The following RABEP1 variants were observed in gnomAD, a reference collection of about 807,000 sequenced individuals.
The protein encoded by RABEP1 is rab GTPase-binding effector protein 1.
RABEP1 carries 51 observed loss-of-function variants against 123.4 expected under a neutral mutation model. The observed-to-expected ratio is 0.41, with a 90% CI of 0.33 to 0.52. The LOEUF is 0.52. Ranked by LOEUF, RABEP1 falls within the 20% of genes least tolerant of loss-of-function variation. The pLI, the probability that RABEP1 is intolerant of heterozygous loss-of-function variation, is 0.16. For missense variants in RABEP1, 888 were observed against 996.3 expected (o/e 0.89, Z 1.46); for synonymous variants, 347 against 355.2 (o/e 0.98, Z 0.26).
intron 15 of RABEP1, 124 bp from the exon 16 acceptor site, chr17:5,380,240 A>G: frequency 1.6e-6 from 1 of 632,276 alleles, no homozygotes; most frequent in South Asian, 2.0e-5. Context: ...TGAAAGGGTG[A>G]GAGGAGTATT....
chr17:5,287,623 A>G (rs1009174486), intron 1 of RABEP1, among the ~76,000 whole-genome samples: 1 of 114,856 alleles, frequency 8.7e-6, no homozygotes, highest in Non-Finnish European at 1.8e-5. Flanking sequence ...AAAAAAAAAA[A>G]CCCAAAACAC....
At chr17:5,378,598 T>C (rs1911193258) in intron 15 of RABEP1, 1 of 300,328 alleles carries the variant, frequency 3.3e-6, no homozygotes, top group Middle Eastern at 1.1e-3. Flanking sequence ...TTAGTCCTCT[T>C]AGACATCATT....
At chr17:5,299,418 A>G (rs72634019) in intron 1 of RABEP1, among the ~76,000 whole-genome samples, 47,517 of 149,218 alleles carry the variant, frequency 0.32, 8,750 homozygotes, top group East Asian at 0.66. Flanking sequence ...TTAAATCACT[A>G]TTATCACTAT....
intron 1 of RABEP1, among the ~76,000 whole-genome samples, chr17:5,296,354 C>T (rs562845837): frequency 5.3e-4 from 81 of 152,170 alleles, no homozygotes; most frequent in Non-Finnish European, 9.3e-4. Flanking sequence ...ACCTCCGCCT[C>T]CAAAGTTCAA....
chr17:5,339,675 T>A (rs1055145391), intron 5 of RABEP1, among the ~76,000 whole-genome samples: 1 of 24,976 alleles, frequency 4.0e-5, no homozygotes, highest in African/African-American at 8.8e-4. Context: ...GCCACGCGCC[T>A]TGTAGTCCCT....
chr17:5,312,285 A>T (rs1045146518), intron 2 of RABEP1, among the ~76,000 whole-genome samples: 5 of 152,098 alleles, frequency 3.3e-5, no homozygotes, highest in Admixed American at 6.5e-5. Flanking sequence ...AGTAGCAGGG[A>T]TTACAGGTGT....
intron 13 of RABEP1, among the ~76,000 whole-genome samples, chr17:5,375,037 A>G (rs941009273): frequency 6.6e-6 from 1 of 151,462 alleles, no homozygotes; most frequent in East Asian, 1.9e-4. Flanking sequence ...TCGGCCTCCC[A>G]AAGTGCTGGG....
intron 1 of RABEP1, chr17:5,284,021 C>G (rs2074953661): frequency 6.6e-6 from 1 of 152,200 alleles, no homozygotes. Context: ...CACTTTGTTA[C>G]TGCACACAGA....
At position 5,378,186 on chromosome 17, in the gene RABEP1, C is replaced by G; in HGVS notation, c.2225C>G (p.Ser742Cys). ...ENCKEEIASI[S>C]SLKAELERIK... ...ATTTTTTTCCTTCTAGCTTCTATTT[C>G]TAGCCTAAAAGCTGAATTAGAAAGA... The change falls in exon 15 of 18, where the codon TCT becomes TGT. Residue 742 changes from serine to cysteine, a missense_variant. Transcript: ENST00000537505. The G allele has an allele frequency of 6.3e-7, 1 of 1,586,526 alleles. No homozygotes were observed. The highest frequency in any genetic ancestry group is 1.7e-4 in the Middle Eastern group (1 of 6,008).
intron 7 of RABEP1, among the ~76,000 whole-genome samples, chr17:5,351,247 T>TTATC (rs1842313799): frequency 6.6e-6 from 1 of 152,144 alleles, no homozygotes; most frequent in Non-Finnish European, 1.5e-5. Context: ...TGTTTTCTCC[T>TTATC]TATCTTTTAG....
intron 2 of RABEP1, among the ~76,000 whole-genome samples, chr17:5,314,520 G>GTTT (rs369819159): frequency 6.1e-5 from 7 of 114,340 alleles, no homozygotes; most frequent in Admixed American, 9.3e-5. Context: ...ATTTCTGAAA[G>GTTT]TTTTTTTTTT....
intron 2 of RABEP1, among the ~76,000 whole-genome samples, chr17:5,323,581 A>G (rs1311017179): frequency 1.3e-5 from 2 of 151,348 alleles, no homozygotes; most frequent in Non-Finnish European, 2.9e-5. Flanking sequence ...AATCAAAGCA[A>G]TCTCATTTAC....
intron 8 of RABEP1, among the ~76,000 whole-genome samples, chr17:5,359,440 C>T (rs1909316862): frequency 1.3e-5 from 2 of 152,254 alleles, no homozygotes; most frequent in Non-Finnish European, 2.9e-5. Context: ...TTCAGTATCA[C>T]AGCAGCACTG....
At chr17:5,322,979 G>A (rs1905534360) in intron 2 of RABEP1, among the ~76,000 whole-genome samples, 1 of 152,160 alleles carries the variant, frequency 6.6e-6, no homozygotes, top group African/African-American at 2.4e-5. Flanking sequence ...TGGAGGCTGA[G>A]GCATGAGAAT....
chr17:5,288,116 A>G (rs2074997296), intron 1 of RABEP1, among the ~76,000 whole-genome samples: 1 of 152,022 alleles, frequency 6.6e-6, no homozygotes, highest in African/African-American at 2.4e-5. Flanking sequence ...GAGCAACTAG[A>G]TGAACACAAT....
At chr17:5,326,131 G>C (rs1905947490) in intron 2 of RABEP1, among the ~76,000 whole-genome samples, 1 of 152,178 alleles carries the variant, frequency 6.6e-6, no homozygotes, top group Admixed American at 6.5e-5. Flanking sequence ...TGATTCAGCA[G>C]TCATGCTCCT....
chr17:5,295,403 A>C (rs2075073679), intron 1 of RABEP1, among the ~76,000 whole-genome samples: 1 of 151,278 alleles, frequency 6.6e-6, no homozygotes, highest in African/African-American at 2.4e-5. Context: ...AAAAAAAAAA[A>C]GTTATTTTTA....
Position 5,385,255 on chromosome 17 carries a change from G to A in RABEP1, c.*2032G>A. 8.7e-6 allele frequency: 2 copies of A among 230,652 alleles called. No homozygotes were observed. The highest frequency in any genetic ancestry group is 6.2e-5 in the East Asian group (1 of 16,170). The allele number at this position is 230,652 out of a possible 1,614,324, so 14.3% of individuals were successfully genotyped here. ...GGTAGGAAACAATTCTTTCAACTGGGTTTTCAGCATAAATGGGAACTGATG... is the reference window on the plus strand; with the variant it reads ...GGTAGGAAACAATTCTTTCAACTGGATTTTCAGCATAAATGGGAACTGATG... On this transcript the variant is annotated 3_prime_UTR_variant, in exon 18 of 18. Coordinates refer to ENST00000537505, the MANE Select transcript of RABEP1 (RefSeq NM_004703.6).
chr17:5,301,224 A>C (rs918980141), intron 1 of RABEP1, among the ~76,000 whole-genome samples: 7 of 152,160 alleles, frequency 4.6e-5, no homozygotes, highest in African/African-American at 1.7e-4. Context: ...CACGACTAAA[A>C]GTCTTACAGC....
Sources: gnomAD v4.1 joint callset for allele counts (sites outside exome capture counted in the v4.1 genomes callset) on GRCh38, gnomAD v4.1.1 for gene constraint, MANE v1.5 for transcripts, NCBI Gene and HGNC (gene_info 2026-07-23, HGNC 2026-07-21) for gene names.